The following VCF1 variants were observed in gnomAD, a reference collection of about 807,000 sequenced individuals.
VCF1 encodes protein VCF1.
chr17:73,224,917 C>CAGCATAGGAT, the VCF1 span, among the ~76,000 whole-genome samples: 1 of 150,048 alleles, frequency 6.7e-6, no homozygotes, highest in African/African-American at 2.5e-5. Flanking sequence ...CAGGACAGGA[C>CAGCATAGGAT]AGGACAGGAC....
At chr17:73,211,628 G>A in the VCF1 span, among the ~76,000 whole-genome samples, 1,527 of 150,634 alleles carry the variant, frequency 0.01, 31 homozygotes, top group African/African-American at 0.035. Flanking sequence ...TTGGGAGCCC[G>A]AGGCAGGTGG....
the VCF1 span, chr17:73,208,265 G>A: frequency 2.0e-5 from 33 of 1,611,348 alleles, no homozygotes; most frequent in South Asian, 3.6e-4. Context: ...CGAGTGGGCA[G>A]GAGGGCTCAG....
At chr17:73,207,442 A>C in the VCF1 span, 1 of 721,126 alleles carries the variant, frequency 1.4e-6, no homozygotes, top group Non-Finnish European at 2.4e-6. Context: ...GAAGGTGTAA[A>C]AGATGCCCGC....
At chr17:73,207,896 G>A in the VCF1 span, 2 of 1,180,846 alleles carry the variant, frequency 1.7e-6, no homozygotes, top group Non-Finnish European at 2.1e-6. Flanking sequence ...TAAAATCCTT[G>A]TCAAGTATCT....
the VCF1 span, among the ~76,000 whole-genome samples, chr17:73,223,036 G>A: frequency 6.6e-6 from 1 of 152,042 alleles, no homozygotes; most frequent in Non-Finnish European, 1.5e-5. Context: ...TACTAAAACA[G>A]GCTGGGCACG....
chr17:73,229,421 CT>C, the VCF1 span: 1 of 985,428 alleles, frequency 1.0e-6, no homozygotes, highest in African/African-American at 1.7e-5. Flanking sequence ...GCAGGCACCC[CT>C]ATAACTGATT....
chr17:73,207,964 T>A, the VCF1 span: 1 of 1,226,046 alleles, frequency 8.2e-7, no homozygotes, highest in Non-Finnish European at 1.0e-6. Context: ...GCAAAAACCA[T>A]CCAGTCCCTA....
At chr17:73,209,274 C>A in the VCF1 span, 1 of 562,022 alleles carries the variant, frequency 1.8e-6, no homozygotes, top group East Asian at 3.0e-5. Context: ...TTCCTCAAAC[C>A]ACTACCTTGA....
At chr17:73,219,179 A>G in the VCF1 span, among the ~76,000 whole-genome samples, 4 of 149,914 alleles carry the variant, frequency 2.7e-5, no homozygotes, top group East Asian at 4.0e-4. Flanking sequence ...CAACAAGAGA[A>G]AAACTCCGTC....
At chr17:73,212,784 A>G in the VCF1 span, 9 of 1,411,790 alleles carry the variant, frequency 6.4e-6, no homozygotes, top group Non-Finnish European at 8.8e-6. Context: ...TAGTAAGTCA[A>G]GTTTTCATCT....
the VCF1 span, among the ~76,000 whole-genome samples, chr17:73,222,174 G>A: frequency 2.7e-5 from 4 of 146,772 alleles, no homozygotes; most frequent in Middle Eastern, 3.5e-3. Flanking sequence ...CTCCTGCCTA[G>A]GCAACTGAGC....
At chr17:73,212,116 C>G in the VCF1 span, among the ~76,000 whole-genome samples, 3 of 152,154 alleles carry the variant, frequency 2.0e-5, no homozygotes, top group Non-Finnish European at 2.9e-5. Flanking sequence ...TTTTTCTACA[C>G]TTCAACTTTT....
At chr17:73,207,690 G>A in the VCF1 span, 54 of 1,293,102 alleles carry the variant, frequency 4.2e-5, no homozygotes, top group South Asian at 3.3e-4. Flanking sequence ...GTTAATACAC[G>A]TTTCATTTCA....
At chr17:73,232,310 G>A in the VCF1 span, 7 of 1,572,182 alleles carry the variant, frequency 4.5e-6, no homozygotes, top group South Asian at 6.8e-5. Context: ...CCCCCATGTC[G>A]CTGCCGCCGT....
chr17:73,214,669 G>A, the VCF1 span, among the ~76,000 whole-genome samples: 9 of 152,174 alleles, frequency 5.9e-5, no homozygotes, highest in Admixed American at 5.9e-4. Flanking sequence ...CCCTCACTTA[G>A]TTGAAGCTTT....
chr17:73,215,913 G>A, the VCF1 span, among the ~76,000 whole-genome samples: 2 of 152,164 alleles, frequency 1.3e-5, no homozygotes, highest in Non-Finnish European at 2.9e-5. Context: ...TTCACAGGCA[G>A]GGTATGACCA....
the VCF1 span, among the ~76,000 whole-genome samples, chr17:73,225,881 T>TTAGGAAAAA: frequency 1.5e-5 from 1 of 68,938 alleles, no homozygotes; most frequent in South Asian, 4.9e-4. Context: ...TATATATATA[T>TTAGGAAAAA]AATATATATA....
At chr17:73,215,766 G>A in the VCF1 span, among the ~76,000 whole-genome samples, 2 of 152,184 alleles carry the variant, frequency 1.3e-5, no homozygotes, top group African/African-American at 4.8e-5. Context: ...GAAAATGGTG[G>A]CACCATACCC....
At chr17:73,232,245 G>A in the VCF1 span, 12 of 1,611,648 alleles carry the variant, frequency 7.4e-6, no homozygotes, top group African/African-American at 1.3e-5. Flanking sequence ...AGCCGGTGGC[G>A]AGTACCCCTC....
Sources: gnomAD v4.1 joint callset for allele counts (sites outside exome capture counted in the v4.1 genomes callset) on GRCh38, gnomAD v4.1.1 for gene constraint, MANE v1.5 for transcripts, NCBI Gene and HGNC (gene_info 2026-07-23, HGNC 2026-07-21) for gene names.